DPP10: variants seen among roughly 807,000 people sequenced by gnomAD.
DPP10 encodes dipeptidyl peptidase like 10.
DPP10 carries 33 observed loss-of-function variants against 120.9 expected under a neutral mutation model. That is an observed-to-expected ratio of 0.27 (90% CI 0.21 to 0.37). The LOEUF (loss-of-function observed/expected upper bound fraction) is 0.37. DPP10 is among the 10% of genes least tolerant of loss of function. The probability of loss-of-function intolerance (pLI) is 1.00; values close to 1 mark genes in which losing one functional copy is unlikely to be tolerated. For synonymous variants in DPP10, 337 were observed against 326.1 expected (o/e 1.03, Z -0.36); for missense variants, 816 against 942.8 (o/e 0.87, Z 1.76).
At chr2:115,132,637 C>T (rs4527212) in intron 1 of DPP10, among the ~76,000 whole-genome samples, 17,163 of 151,902 alleles carry the variant, frequency 0.11, 1,306 homozygotes, top group East Asian at 0.3. Flanking sequence ...GCCTAAGCTC[C>T]AAAAGGGAGG....
intron 25 of DPP10, among the ~76,000 whole-genome samples, chr2:115,841,904 C>T (rs1291355750): frequency 6.6e-6 from 1 of 152,126 alleles, no homozygotes; most frequent in African/African-American, 2.4e-5. Flanking sequence ...GGCCAAGGGC[C>T]TTTAGTCAAA....
chr2:115,194,310 C>T (rs574132213), intron 1 of DPP10, among the ~76,000 whole-genome samples: 11 of 152,158 alleles, frequency 7.2e-5, no homozygotes, highest in East Asian at 1.9e-4. Context: ...CCGCAGCCTC[C>T]GCCTCCCAGG....
At chr2:115,383,493 A>T (rs533803463) in intron 3 of DPP10, among the ~76,000 whole-genome samples, 2 of 152,312 alleles carry the variant, frequency 1.3e-5, no homozygotes, top group Non-Finnish European at 2.9e-5. Flanking sequence ...ATGGACTAAT[A>T]GAAGTGGGAT....
intron 1 of DPP10, among the ~76,000 whole-genome samples, chr2:114,521,834 G>A (rs1685080410): frequency 7.2e-6 from 1 of 139,072 alleles, no homozygotes; most frequent in Non-Finnish European, 1.5e-5. Context: ...TTGAGATGGA[G>A]TCTCGCTCTG....
intron 1 of DPP10, among the ~76,000 whole-genome samples, chr2:114,896,764 A>C (rs1484768045): frequency 6.6e-6 from 1 of 152,194 alleles, no homozygotes; most frequent in Non-Finnish European, 1.5e-5. Context: ...CAGAACTTCC[A>C]ACACTATGTT....
intron 2 of DPP10, among the ~76,000 whole-genome samples, chr2:115,332,119 T>G (rs2062785100): frequency 6.6e-6 from 1 of 152,304 alleles, no homozygotes; most frequent in South Asian, 2.1e-4. Flanking sequence ...ATTGGTCTAT[T>G]CAGAGATTCA....
chr2:115,498,057 C>G (rs1423425562), intron 3 of DPP10, among the ~76,000 whole-genome samples: 1 of 151,980 alleles, frequency 6.6e-6, no homozygotes, highest in Non-Finnish European at 1.5e-5. Flanking sequence ...CGGCCAGCCT[C>G]AGGGAGTAAC....
chr2:115,711,915 G>GTTTTT lies in DPP10; in HGVS notation c.577-15901_577-15900insTTTTT, dbSNP rs1491280011. On this transcript the variant is annotated intron_variant, in intron 7 of 25. Coordinates refer to ENST00000410059, the MANE Select transcript of DPP10 (RefSeq NM_020868.6). ...GAATATTGGACCTATAAAATGGTCT[G>GTTTTT]GTTTTTTTTTTTTTTTTTTTTTTGG... 1.2e-3 allele frequency among the ~76,000 whole-genome samples: 117 copies of GTTTTT among 96,954 alleles called. 12 individuals carry two copies. The highest frequency in any genetic ancestry group is 1.5e-3 in the African/African-American group (36 of 23,918). The allele number at this position is 96,954 out of a possible 152,430, so 63.6% of individuals were successfully genotyped here.
intron 3 of DPP10, among the ~76,000 whole-genome samples, chr2:115,415,877 G>GCACACACA (rs371038286): frequency 2.0e-5 from 1 of 50,122 alleles, no homozygotes; most frequent in Admixed American, 2.2e-4. Context: ...ATATATATAT[G>GCACACACA]CACACACACA....
intron 1 of DPP10, among the ~76,000 whole-genome samples, chr2:115,270,465 AG>A (rs1000240215): frequency 4.6e-5 from 7 of 152,086 alleles, no homozygotes; most frequent in Non-Finnish European, 8.8e-5. Flanking sequence ...TTTCCCATAG[AG>A]GTTATTGATT....
intron 3 of DPP10, among the ~76,000 whole-genome samples, chr2:115,486,929 C>T (rs183330304): frequency 1.2e-4 from 18 of 152,164 alleles, no homozygotes; most frequent in East Asian, 7.7e-4. Context: ...TTCATAGGAT[C>T]GGCACTTCCA....
At chr2:115,722,769 C>T (rs1430520186) in intron 7 of DPP10, among the ~76,000 whole-genome samples, 1 of 150,972 alleles carries the variant, frequency 6.6e-6, no homozygotes, top group Non-Finnish European at 1.5e-5. Context: ...GTACAAGCAA[C>T]TATAGTCATC....
intron 5 of DPP10, among the ~76,000 whole-genome samples, chr2:115,669,358 T>C (rs1304530531): frequency 6.6e-6 from 1 of 152,158 alleles, no homozygotes. Context: ...ATTAGTTGTG[T>C]ACTGTAGTTA....
At chr2:115,357,802 A>C (rs989209220) in intron 3 of DPP10, among the ~76,000 whole-genome samples, 1 of 152,142 alleles carries the variant, frequency 6.6e-6, no homozygotes, top group South Asian at 2.1e-4. Flanking sequence ...AATCTAGGCA[A>C]AGTTTCCAAA....
At chr2:115,346,043 AC>A (rs1343531560) in intron 3 of DPP10, among the ~76,000 whole-genome samples, 1 of 152,206 alleles carries the variant, frequency 6.6e-6, no homozygotes, top group East Asian at 1.9e-4. Flanking sequence ...CTTTATAAAT[AC>A]CATTGAAGGA....
chr2:115,348,863 A>T (rs1042055874), intron 3 of DPP10, among the ~76,000 whole-genome samples: 3 of 152,074 alleles, frequency 2.0e-5, no homozygotes, highest in Non-Finnish European at 2.9e-5. Context: ...ACCATTTGTT[A>T]TGAACCTGCA....
intron 3 of DPP10, among the ~76,000 whole-genome samples, chr2:115,391,372 T>C (rs1439088705): frequency 6.6e-6 from 1 of 152,170 alleles, no homozygotes; most frequent in Non-Finnish European, 1.5e-5. Context: ...GAGATCATTC[T>C]ATCTTATGGT....
At chr2:115,440,582 T>A (rs1456904882) in intron 3 of DPP10, among the ~76,000 whole-genome samples, 2 of 152,216 alleles carry the variant, frequency 1.3e-5, no homozygotes, top group Admixed American at 6.5e-5. Flanking sequence ...ACGCTCAAAA[T>A]TCTCTCGGCC....
chr2:115,072,476 C>G (rs1396972105), intron 1 of DPP10, among the ~76,000 whole-genome samples: 3 of 152,194 alleles, frequency 2.0e-5, no homozygotes, highest in African/African-American at 7.2e-5. Context: ...GTACATTCAA[C>G]ATCGTTGCAC....
Sources: allele counts gnomAD v4.1 joint callset (sites outside exome capture counted in the v4.1 genomes callset), GRCh38; gene constraint gnomAD v4.1.1; transcripts MANE v1.5; gene names NCBI Gene and HGNC (gene_info 2026-07-23, HGNC 2026-07-21).